The following P2RY6 variants were observed in gnomAD, a reference collection of about 807,000 sequenced individuals.
P2RY6 encodes the protein P2Y purinoceptor 6.
A neutral mutation model predicts 16.3 loss-of-function variants in P2RY6; 19 were observed. The ratio of observed to expected loss-of-function variants is 1.16; its 90% CI spans 0.81 to 1.71. The LOEUF (loss-of-function observed/expected upper bound fraction) is 1.71, where lower values mean the gene tolerates loss of function less well. Among genes scored for constraint, P2RY6 ranks in the 40% most tolerant of loss-of-function variants. The pLI is 0.00. For synonymous variants in P2RY6, 184 were observed against 201.5 expected (o/e 0.91, Z 0.74); for missense variants, 389 against 455.5 (o/e 0.85, Z 1.33).
At chr11:73,288,472 C>T (rs1864056879) in intron 1 of P2RY6, among the ~76,000 whole-genome samples, 1 of 152,228 alleles carries the variant, frequency 6.6e-6, no homozygotes, top group South Asian at 2.1e-4. Context: ...GGGTCCCTGC[C>T]TTCCACGTTC....
rs561342775 is a variant in P2RY6 at position 73,295,830 on chromosome 11, C to T, written c.-35+15C>T. 19 of 970,926 alleles carry T rather than the reference C, an allele frequency of 2.0e-5. No homozygotes were observed. The highest frequency in any genetic ancestry group is 5.3e-5 in the African/African-American group (3 of 57,010). 60.1% of individuals were successfully genotyped at this position (970,926 alleles called of 1,614,324 possible). On this transcript the variant is annotated intron_variant, in intron 2 of 2. Transcript: ENST00000540124. The stretch of plus-strand genomic sequence containing the variant: ...GTGAGCCCCTGGTGTGTGGACCCTT[C>T]GCATTGGTTAACTAAGAGTTATCAG...
chr11:73,275,052 G>T (rs1863480692), intron 1 of P2RY6, among the ~76,000 whole-genome samples: 2 of 152,242 alleles, frequency 1.3e-5, no homozygotes, highest in South Asian at 4.1e-4. Context: ...GGAGGGCAGG[G>T]TCTGAGCAAG....
Position 73,297,466 on chromosome 11 carries a change from A to G in P2RY6, c.948A>G (p.Leu316=). The change falls in exon 3 of 3, where the codon CTA becomes CTG. Residue 316 remains leucine, a synonymous_variant. Transcript: ENST00000540124. ...KKFRRRPHEL[L]QKLTAKWQRQ... ...TCCGCCGGCGACCACATGAGCTCCTACAGAAACTCACAGCCAAATGGCAGA... is the reference window on the plus strand; with the variant it reads ...TCCGCCGGCGACCACATGAGCTCCTGCAGAAACTCACAGCCAAATGGCAGA... 1 of 1,611,128 alleles carries G rather than the reference A, an allele frequency of 6.2e-7. No homozygotes were observed. The highest frequency in any genetic ancestry group is 1.1e-5 in the South Asian group (1 of 91,066).
At chr11:73,280,397 G>C (rs1863710484) in intron 1 of P2RY6, among the ~76,000 whole-genome samples, 1 of 152,116 alleles carries the variant, frequency 6.6e-6, no homozygotes, top group South Asian at 2.1e-4. Context: ...ATTAGTTTGG[G>C]CCTCTTTTCA....
In P2RY6 at chr11:73,297,400, C is replaced by T. The variant is rs542361416; in HGVS notation, c.882C>T (p.Ser294=). 11 of 1,612,322 alleles carry T rather than the reference C, an allele frequency of 6.8e-6. No individual in the cohort carries two copies. The highest frequency in any genetic ancestry group is 2.2e-5 in the South Asian group (2 of 91,090). Residue 294 remains serine, a synonymous_variant, in exon 3 of 3, where the codon AGC becomes AGT. Coordinates refer to ENST00000540124, the MANE Select transcript of P2RY6 (RefSeq NM_001277204.2). The part of the protein sequence containing the change: ...KGTRPFASAN[S]VLDPILFYFT... ...CGCGGCCGTTTGCCAGTGCCAACAG[C>T]GTGCTGGACCCCATCCTCTTCTACT... is the stretch of plus-strand genomic sequence containing the variant.
At chr11:73,294,604 G>C (rs893359788) in intron 1 of P2RY6, among the ~76,000 whole-genome samples, 1 of 152,208 alleles carries the variant, frequency 6.6e-6, no homozygotes, top group African/African-American at 2.4e-5. Context: ...AAGAATCTTT[G>C]ATAACTGAGA....
At chr11:73,269,948 T>C (rs112110823), upstream of P2RY6, 634 of 152,380 alleles carry the variant, frequency 4.2e-3, 10 homozygotes, top group African/African-American at 0.014. Context: ...GGTGGCTTTG[T>C]CTTTTCGGAA....
At chr11:73,290,366 G>GAAA (rs1565170854) in intron 1 of P2RY6, among the ~76,000 whole-genome samples, 19 of 85,620 alleles carry the variant, frequency 2.2e-4, no homozygotes, top group Admixed American at 5.3e-4. Flanking sequence ...AAAGAAAGAA[G>GAAA]GAAAGAAAGA....
At chr11:73,264,707 G>A (rs886316981) in intron 1 of P2RY6, 1 of 152,534 alleles carries the variant, frequency 6.6e-6, no homozygotes, top group African/African-American at 2.4e-5. Flanking sequence ...GGGGATACAG[G>A]GAGGCCTGCC....
chr11:73,284,757 C>T (rs1863900645), intron 1 of P2RY6, among the ~76,000 whole-genome samples: 1 of 152,128 alleles, frequency 6.6e-6, no homozygotes, highest in South Asian at 2.1e-4. Context: ...TTTGTTCATT[C>T]ACTCAACAAA....
Position 73,277,138 on chromosome 11 carries a change from C to T in P2RY6, c.-121+4672C>T, listed in dbSNP as rs148599667. ...CAGATTTTTTTTTTTTTTTGAGACACAGTTTCACTCTGTCGCCCAGGCTGA... is the reference window on the plus strand; with the variant it reads ...CAGATTTTTTTTTTTTTTTGAGACATAGTTTCACTCTGTCGCCCAGGCTGA... On this transcript the variant is annotated intron_variant, in intron 1 of 2. Coordinates refer to ENST00000540124, the MANE Select transcript of P2RY6 (RefSeq NM_001277204.2). Among the ~76,000 whole-genome samples the T allele has an allele frequency of 1.6e-4, 24 of 150,210 alleles. No homozygotes were observed. The East Asian group carries it at 4.3e-3, about 27-fold the overall frequency.
intron 1 of P2RY6, among the ~76,000 whole-genome samples, chr11:73,281,336 C>T (rs1037045475): frequency 1.3e-5 from 2 of 152,230 alleles, no homozygotes; most frequent in Middle Eastern, 3.2e-3. Flanking sequence ...AGTTGGGCTT[C>T]ACCACCCAAG....
At chr11:73,276,732 A>G (rs1427441532) in intron 1 of P2RY6, among the ~76,000 whole-genome samples, 1 of 152,214 alleles carries the variant, frequency 6.6e-6, no homozygotes, top group Non-Finnish European at 1.5e-5. Context: ...AGTAACTGCT[A>G]TTGGGTACAG....
At chr11:73,267,748 A>G (rs990675816), upstream of P2RY6, among the ~76,000 whole-genome samples, 1 of 152,204 alleles carries the variant, frequency 6.6e-6, no homozygotes, top group African/African-American at 2.4e-5. Context: ...TGACTGAGCA[A>G]GCTGGGGACA....
chr11:73,282,073 G>A (rs1426093784), intron 1 of P2RY6, among the ~76,000 whole-genome samples: 3 of 152,034 alleles, frequency 2.0e-5, no homozygotes, highest in Non-Finnish European at 4.4e-5. Flanking sequence ...TGTGACCTGC[G>A]AGCTGGTGTG....
intron 1 of P2RY6, among the ~76,000 whole-genome samples, chr11:73,286,431 A>C (rs1166956002): frequency 6.6e-6 from 1 of 152,044 alleles, no homozygotes; most frequent in Non-Finnish European, 1.5e-5. Context: ...CATAACCCAC[A>C]ATAACCACTT....
At chr11:73,271,280 CA>C (rs780155195), upstream of P2RY6, among the ~76,000 whole-genome samples, 124 of 152,280 alleles carry the variant, frequency 8.1e-4, no homozygotes, top group Non-Finnish European at 1.6e-3. Flanking sequence ...TCCCCCCCGG[CA>C]TCACCCTCCA....
intron 1 of P2RY6, among the ~76,000 whole-genome samples, chr11:73,294,206 A>G (rs1280160641): frequency 2.0e-5 from 3 of 151,994 alleles, no homozygotes; most frequent in Non-Finnish European, 2.9e-5. Flanking sequence ...ATCCTCCTCA[A>G]CCACCCAGGC....
At chr11:73,292,910 G>A (rs73540712) in intron 1 of P2RY6, 70,156 of 984,034 alleles carry the variant, frequency 0.071, 2,639 homozygotes, top group African/African-American at 0.11. Flanking sequence ...TGCAGGGACA[G>A]GAGGCTGCCT....
Sources: allele counts gnomAD v4.1 joint callset (sites outside exome capture counted in the v4.1 genomes callset), GRCh38; gene constraint gnomAD v4.1.1; transcripts MANE v1.5; gene names NCBI Gene and HGNC (gene_info 2026-07-23, HGNC 2026-07-21).